Variants in DPP10 observed in about 807,000 individuals in gnomAD.
DPP10 encodes dipeptidyl peptidase like 10.
DPP10 carries 33 observed loss-of-function variants against 120.9 expected under a neutral mutation model. The ratio of observed to expected loss-of-function variants is 0.27; its 90% CI spans 0.21 to 0.37. The LOEUF is 0.37. Ranked by LOEUF, DPP10 falls within the 10% of genes least tolerant of loss-of-function variation. DPP10 has a pLI of 1.00. For missense variants in DPP10, 816 were observed against 942.8 expected (o/e 0.87, Z 1.76); for synonymous variants, 337 against 326.1 (o/e 1.03, Z -0.36).
At chr2:115,157,771 A>G (rs1470014999) in intron 1 of DPP10, among the ~76,000 whole-genome samples, 1 of 152,224 alleles carries the variant, frequency 6.6e-6, no homozygotes, top group African/African-American at 2.4e-5. Flanking sequence ...CTAATTGGGC[A>G]TATTTCAGGC....
chr2:114,955,309 T>G (rs1177186449), intron 1 of DPP10, among the ~76,000 whole-genome samples: 1 of 152,182 alleles, frequency 6.6e-6, no homozygotes, highest in Non-Finnish European at 1.5e-5. Flanking sequence ...GGCCGGCTCC[T>G]TTACTGCAAC....
intron 1 of DPP10, among the ~76,000 whole-genome samples, chr2:115,012,226 T>C (rs1331115380): frequency 2.0e-5 from 3 of 151,856 alleles, no homozygotes; most frequent in African/African-American, 4.8e-5. Context: ...AAGACAAAGG[T>C]CATAATCCCT....
rs540064085 is a variant in DPP10 at position 115,183,460 on chromosome 2, C to G, written c.61-125779C>G. Among the ~76,000 whole-genome samples, 4 of 152,232 alleles carry G rather than the reference C, an allele frequency of 2.6e-5. No homozygotes were observed. The South Asian group carries it at 8.3e-4, about 32-fold the overall frequency. On this transcript the variant is annotated intron_variant, in intron 1 of 25. Coordinates refer to ENST00000410059, the MANE Select transcript of DPP10 (RefSeq NM_020868.6). The stretch of plus-strand genomic sequence containing the variant: ...TGAAATTACCTGTTTACTGGTGTCT[C>G]TCCATATACCTACACATTTCTTGAG...
Position 114,658,031 on chromosome 2 carries a change from G to A in DPP10, c.60+215193G>A, listed in dbSNP as rs1414778910. Among the ~76,000 whole-genome samples, 5 of 152,114 alleles carry A rather than the reference G, an allele frequency of 3.3e-5. No individual in the cohort carries two copies. In the East Asian group the frequency reaches 9.6e-4, roughly 29 times the overall value. On this transcript the variant is annotated intron_variant, in intron 1 of 25. Transcript: ENST00000410059. ...TGTTGTGTGATTTAAATACGTATTT[G>A]TGTGTGTGAGAGAATATGATATATG...
chr2:115,473,984 T>C (rs1045209234), intron 3 of DPP10, among the ~76,000 whole-genome samples: 1 of 152,100 alleles, frequency 6.6e-6, no homozygotes, highest in Non-Finnish European at 1.5e-5. Flanking sequence ...TGTGTGTATA[T>C]TAGGATGGGA....
At chr2:115,102,716 A>C (rs989262983) in intron 1 of DPP10, among the ~76,000 whole-genome samples, 3 of 150,554 alleles carry the variant, frequency 2.0e-5, no homozygotes, top group Admixed American at 6.6e-5. Context: ...GCCATGGGGG[A>C]GTTTTGGTAC....
At chr2:115,020,288 A>C (rs946893491) in intron 1 of DPP10, among the ~76,000 whole-genome samples, 3 of 152,190 alleles carry the variant, frequency 2.0e-5, no homozygotes, top group Non-Finnish European at 4.4e-5. Context: ...AAGGACTCAC[A>C]TAAACTTTAG....
At chr2:115,391,709 T>C (rs536119037) in intron 3 of DPP10, among the ~76,000 whole-genome samples, 1 of 151,974 alleles carries the variant, frequency 6.6e-6, no homozygotes, top group Non-Finnish European at 1.5e-5. Context: ...AAATAATTTG[T>C]CCAAGATTCA....
At chr2:115,775,337 G>C (rs1559139152) in intron 13 of DPP10, among the ~76,000 whole-genome samples, 1 of 151,910 alleles carries the variant, frequency 6.6e-6, no homozygotes, top group Non-Finnish European at 1.5e-5. Context: ...TATAAGAGCT[G>C]TCAAGGGTAA....
intron 1 of DPP10, among the ~76,000 whole-genome samples, chr2:114,841,827 A>G (rs2106451082): frequency 6.6e-6 from 1 of 152,252 alleles, no homozygotes; most frequent in East Asian, 1.9e-4. Context: ...GGTTTCCAAG[A>G]CAAAGAAGAA....
At chr2:115,404,251 A>G (rs2068339133) in intron 3 of DPP10, among the ~76,000 whole-genome samples, 2 of 152,136 alleles carry the variant, frequency 1.3e-5, no homozygotes. Flanking sequence ...TCAAAGCAGC[A>G]GAAGTGGGAG....
intron 1 of DPP10, among the ~76,000 whole-genome samples, chr2:114,582,464 G>T (rs1166853026): frequency 1.3e-5 from 2 of 152,160 alleles, no homozygotes; most frequent in African/African-American, 4.8e-5. Context: ...CAAGGAACTG[G>T]ATGGCTGAAT....
intron 1 of DPP10, among the ~76,000 whole-genome samples, chr2:114,505,407 G>A (rs1216192750): frequency 4.0e-5 from 6 of 151,490 alleles, no homozygotes; most frequent in Admixed American, 3.3e-4. Context: ...GGTGATTAGA[G>A]TGTTCCTCTT....
At chr2:115,275,572 C>T (rs1167227996) in intron 1 of DPP10, among the ~76,000 whole-genome samples, 6 of 152,076 alleles carry the variant, frequency 3.9e-5, no homozygotes, top group East Asian at 1.9e-4. Context: ...TCACGTTAGC[C>T]GCAAAGGCAA....
intron 1 of DPP10, among the ~76,000 whole-genome samples, chr2:115,069,797 T>A (rs75289706): frequency 2.6e-5 from 4 of 151,838 alleles, no homozygotes; most frequent in African/African-American, 4.8e-5. Context: ...TTTTTTTTTT[T>A]AATTTGGTGA....
chr2:115,300,160 C>T (rs576333429), intron 1 of DPP10, among the ~76,000 whole-genome samples: 2 of 152,128 alleles, frequency 1.3e-5, no homozygotes, highest in South Asian at 2.1e-4. Flanking sequence ...CACCACCAGC[C>T]GTCTCTAGAA....
At chr2:115,466,381 G>T (rs2074327405) in intron 3 of DPP10, among the ~76,000 whole-genome samples, 1 of 152,112 alleles carries the variant, frequency 6.6e-6, no homozygotes, top group South Asian at 2.1e-4. Flanking sequence ...TGTTCTAATA[G>T]AGTCATTTTC....
chr2:115,104,622 TGA>T (rs1410367909), intron 1 of DPP10, among the ~76,000 whole-genome samples: 1 of 152,152 alleles, frequency 6.6e-6, no homozygotes, highest in Non-Finnish European at 1.5e-5. Context: ...AATAACTCAG[TGA>T]GAGACCACTG....
rs1184192965 is a variant in DPP10 at position 115,791,268 on chromosome 2, T to G, written c.1631-19T>G. On this transcript the variant is annotated intron_variant, in intron 18 of 25. Transcript: ENST00000410059. Reference sequence around the variant, plus strand: ...GCAAATGACTCTCCATCTTTAATATTTTGCTCTTTCTTTAAAAGAACTTCC... The same window carrying G: ...GCAAATGACTCTCCATCTTTAATATGTTGCTCTTTCTTTAAAAGAACTTCC... The G allele has an allele frequency of 6.2e-7, 1 of 1,607,866 alleles. No individual in the cohort carries two copies. The highest frequency in any genetic ancestry group is 8.5e-7 in the Non-Finnish European group (1 of 1,177,894).
Sources: allele counts gnomAD v4.1 joint callset (sites outside exome capture counted in the v4.1 genomes callset), GRCh38; gene constraint gnomAD v4.1.1; transcripts MANE v1.5; gene names NCBI Gene and HGNC (gene_info 2026-07-23, HGNC 2026-07-21).